Variants in CCSER1 observed in about 807,000 individuals in gnomAD.
The protein encoded by CCSER1 is coiled-coil serine rich protein 1.
Under a neutral mutation model 82.0 loss-of-function variants are expected in CCSER1, and 41 were observed. The observed-to-expected ratio is 0.50, with a 90% CI of 0.39 to 0.65. CCSER1 has a LOEUF of 0.65. Ranked by LOEUF, CCSER1 falls within the 30% of genes least tolerant of loss-of-function variation. The pLI, the probability that CCSER1 is intolerant of heterozygous loss-of-function variation, is 0.00. For missense variants in CCSER1, 1,119 were observed against 1,064.2 expected (o/e 1.05, Z -0.72); for synonymous variants, 414 against 383.9 (o/e 1.08, Z -0.92).
chr4:91,316,053 T>C (rs752596722), intron 10 of CCSER1, among the ~76,000 whole-genome samples: 1 of 151,960 alleles, frequency 6.6e-6, no homozygotes, highest in Non-Finnish European at 1.5e-5. Context: ...TGGTTTTACA[T>C]AGGGCAGTTT....
At chr4:91,408,329 A>G (rs923340965) in intron 10 of CCSER1, among the ~76,000 whole-genome samples, 1 of 152,224 alleles carries the variant, frequency 6.6e-6, no homozygotes, top group Admixed American at 6.5e-5. Context: ...ACATAACAGT[A>G]TAATTTAGTA....
intron 9 of CCSER1, among the ~76,000 whole-genome samples, chr4:91,043,132 G>T (rs1312243612): frequency 6.6e-6 from 1 of 150,578 alleles, no homozygotes; most frequent in South Asian, 2.1e-4. Context: ...CGAACAAAGA[G>T]AAAAAAACAA....
Position 91,065,334 on chromosome 4 carries a change from G to A in CCSER1, c.2173-20616G>A, listed in dbSNP as rs559256103. Among the ~76,000 whole-genome samples the A allele has an allele frequency of 5.3e-5, 8 of 152,230 alleles. No individual in the cohort carries two copies. In the East Asian group the frequency reaches 1.4e-3, roughly 26 times the overall value. On this transcript the variant is annotated intron_variant, in intron 9 of 10. Transcript: ENST00000509176. ...AATATAGAAAATATTGGGAAATATTGCGTAATTTGGTGTAATATTGTACAA... is the reference window on the plus strand; with the variant it reads ...AATATAGAAAATATTGGGAAATATTACGTAATTTGGTGTAATATTGTACAA...
chr4:91,240,353 AAGCGT>A (rs1581826547), intron 10 of CCSER1, among the ~76,000 whole-genome samples: 5 of 57,638 alleles, frequency 8.7e-5, no homozygotes, highest in African/African-American at 1.0e-4. Context: ...CTGGTATTAC[AAGCGT>A]GAGCCACTGC....
At chr4:91,103,353 TC>T (rs540846654) in intron 10 of CCSER1, among the ~76,000 whole-genome samples, 5 of 152,130 alleles carry the variant, frequency 3.3e-5, no homozygotes, top group Non-Finnish European at 5.9e-5. Flanking sequence ...CTCAGTTCCT[TC>T]CCAGTGATCA....
At chr4:90,409,006 G>A (rs1298292970) in intron 4 of CCSER1, among the ~76,000 whole-genome samples, 3 of 152,116 alleles carry the variant, frequency 2.0e-5, no homozygotes, top group African/African-American at 7.2e-5. Context: ...TAACTGATGC[G>A]ATCAACTGGA....
intron 10 of CCSER1, among the ~76,000 whole-genome samples, chr4:91,521,917 G>A (rs932982269): frequency 6.6e-6 from 1 of 151,942 alleles, no homozygotes; most frequent in African/African-American, 2.4e-5. Context: ...GGCTTTTGTT[G>A]CCATTGCTTT....
At chr4:91,551,137 A>AT (rs1455292773) in intron 10 of CCSER1, among the ~76,000 whole-genome samples, 1 of 152,088 alleles carries the variant, frequency 6.6e-6, no homozygotes, top group Non-Finnish European at 1.5e-5. Flanking sequence ...TTAGGGAAGC[A>AT]ATAAGTAAAA....
chr4:90,411,720 G>A (rs1466708084), intron 4 of CCSER1, among the ~76,000 whole-genome samples: 2 of 152,170 alleles, frequency 1.3e-5, no homozygotes, highest in African/African-American at 2.4e-5. Flanking sequence ...ACAAGACAGG[G>A]ATGCCCTCTC....
intron 8 of CCSER1, among the ~76,000 whole-genome samples, chr4:90,902,869 G>A (rs1724870283): frequency 6.6e-6 from 1 of 151,986 alleles, no homozygotes; most frequent in African/African-American, 2.4e-5. Flanking sequence ...CCTGTTGGGT[G>A]TATTGAGATC....
chr4:90,845,359 TAAA>T (rs886923723), intron 8 of CCSER1, among the ~76,000 whole-genome samples: 9 of 96,576 alleles, frequency 9.3e-5, no homozygotes, highest in Admixed American at 3.5e-4. Flanking sequence ...AGACGCCATC[TAAA>T]AAAAAAAAAA....
chr4:90,856,379 T>C (rs1232624411), intron 8 of CCSER1, among the ~76,000 whole-genome samples: 5 of 152,198 alleles, frequency 3.3e-5, no homozygotes, highest in Admixed American at 6.5e-5. Flanking sequence ...TTTTTAAAGC[T>C]AATTTTAAAA....
At chr4:91,549,358 T>C (rs1041168742) in intron 10 of CCSER1, among the ~76,000 whole-genome samples, 44 of 152,108 alleles carry the variant, frequency 2.9e-4, no homozygotes, top group African/African-American at 1.0e-3. Context: ...TATCTGACTC[T>C]GGTTCTGATG....
chr4:90,999,508 T>C (rs1296975405), intron 9 of CCSER1, among the ~76,000 whole-genome samples: 3 of 152,222 alleles, frequency 2.0e-5, no homozygotes, highest in African/African-American at 4.8e-5. Flanking sequence ...TTTATACATT[T>C]GTTGGCTACT....
intron 3 of CCSER1, among the ~76,000 whole-genome samples, chr4:90,352,188 G>GCGGGCGCAA (rs1444703422): frequency 3.3e-5 from 5 of 152,062 alleles, no homozygotes; most frequent in Middle Eastern, 3.2e-3. Flanking sequence ...GCCGGGCGTG[G>GCGGGCGCAA]TGGCGGGCGC....
At chr4:90,559,809 C>CAAAAAA (rs1236087772) in intron 5 of CCSER1, among the ~76,000 whole-genome samples, 902 of 39,754 alleles carry the variant, frequency 0.023, 118 homozygotes, top group East Asian at 0.052. Context: ...GACTCCGTCT[C>CAAAAAA]AAAAAAAAAA....
At chr4:91,235,065 CAAAG>C (rs1738901197) in intron 10 of CCSER1, among the ~76,000 whole-genome samples, 2 of 151,868 alleles carry the variant, frequency 1.3e-5, no homozygotes, top group South Asian at 2.1e-4. Context: ...ATGAAAAAAA[CAAAG>C]AACACCCTTG....
chr4:90,530,466 A>C (rs1481117940), intron 5 of CCSER1, among the ~76,000 whole-genome samples: 1 of 152,108 alleles, frequency 6.6e-6, no homozygotes, highest in African/African-American at 2.4e-5. Context: ...CACACTCAAG[A>C]AAAGGGAGTG....
At chr4:91,225,293 T>C (rs1271707488) in intron 10 of CCSER1, among the ~76,000 whole-genome samples, 39 of 38,142 alleles carry the variant, frequency 1.0e-3, no homozygotes, top group African/African-American at 6.1e-3. Flanking sequence ...ATGTAATATA[T>C]ATGTATATAT....
Sources: allele counts gnomAD v4.1 joint callset (sites outside exome capture counted in the v4.1 genomes callset), GRCh38; gene constraint gnomAD v4.1.1; transcripts MANE v1.5; gene names NCBI Gene and HGNC (gene_info 2026-07-23, HGNC 2026-07-21).